Variants in GXYLT2 observed in about 807,000 individuals in gnomAD.
GXYLT2 encodes glucoside xylosyltransferase 2.
In GXYLT2, 53 loss-of-function variants were observed where a neutral mutation model predicts 45.8. The ratio of observed to expected loss-of-function variants is 1.16; its 90% CI spans 0.93 to 1.46. The LOEUF is 1.46. GXYLT2 is among the 40% of genes most tolerant of loss of function. The probability of loss-of-function intolerance (pLI) is 0.00; values close to 1 mark genes in which losing one functional copy is unlikely to be tolerated. For synonymous variants in GXYLT2, 219 were observed against 214.2 expected, an observed-to-expected ratio of 1.02 and a Z score of -0.19; for missense variants, 551 against 544.4, an observed-to-expected ratio of 1.01 and a Z score of -0.12.
chr3:72,907,133 G>C (rs1333264930), intron 1 of GXYLT2, among the ~76,000 whole-genome samples: 1 of 152,148 alleles, frequency 6.6e-6, no homozygotes, highest in African/African-American at 2.4e-5. Flanking sequence ...ACAATTTCCA[G>C]AGATACTTGG....
intron 1 of GXYLT2, among the ~76,000 whole-genome samples, chr3:72,899,459 T>C (rs780995358): frequency 2.0e-5 from 3 of 152,202 alleles, no homozygotes; most frequent in East Asian, 1.9e-4. Flanking sequence ...ATTTATGATA[T>C]TTGATTTAAC....
At chr3:72,955,475 C>A in intron 4 of GXYLT2, 126 bp downstream of exon 4, 1 of 744,298 alleles carries the variant, frequency 1.3e-6, no homozygotes, top group Non-Finnish European at 2.1e-6. Flanking sequence ...ATAAAAGGAA[C>A]CAGAGAAAAG....
Position 72,908,466 on chromosome 3 carries a change from G to C in GXYLT2, c.375G>C (p.Leu125=). Residue 125 remains leucine, a synonymous_variant, in exon 2 of 7, where the codon CTG becomes CTC. Transcript: ENST00000389617. The part of the protein sequence containing the change: ...VACGNRLEET[L]VMLKSAVLFS... ...GTGGCAATCGGCTGGAGGAGACGCT[G>C]GTCATGCTCAAATCAGCTGTGCTTT... The C allele has an allele frequency of 6.2e-7, 1 of 1,613,910 alleles. No homozygotes were observed. Among genetic ancestry groups the C allele is most frequent in the Non-Finnish European group, 8.5e-7 (1 of 1,179,848 alleles).
At chr3:72,908,175 A>G (rs1244782953) in intron 1 of GXYLT2, 192 bp from the exon 2 acceptor site, 2 of 557,380 alleles carry the variant, frequency 3.6e-6, no homozygotes, top group Non-Finnish European at 6.3e-6. Context: ...TGCTATTGCC[A>G]GGATAAATAT....
chr3:72,930,105 G>A (rs779891127), intron 3 of GXYLT2, among the ~76,000 whole-genome samples: 3 of 151,720 alleles, frequency 2.0e-5, no homozygotes, highest in South Asian at 4.2e-4. Context: ...AGCAGAGGGT[G>A]CAGTGAGTTG....
chr3:72,906,368 C>T (rs1176796534), intron 1 of GXYLT2, among the ~76,000 whole-genome samples: 4 of 152,160 alleles, frequency 2.6e-5, no homozygotes, highest in Non-Finnish European at 5.9e-5. Context: ...ATTTGCAGAG[C>T]TCACCTTAGT....
intron 3 of GXYLT2, among the ~76,000 whole-genome samples, chr3:72,944,625 T>C (rs896664750): frequency 6.6e-6 from 1 of 152,102 alleles, no homozygotes; most frequent in African/African-American, 2.4e-5. Flanking sequence ...CTGAAACTGT[T>C]GTTTGCTCTT....
At chr3:72,928,925 G>A in intron 3 of GXYLT2, 1 of 711,594 alleles carries the variant, frequency 1.4e-6, no homozygotes, top group Non-Finnish European at 2.5e-6. Context: ...CCCCCATCCC[G>A]GCCGGCCGCC....
chr3:72,897,490 C>T (rs534687895), intron 1 of GXYLT2, among the ~76,000 whole-genome samples: 3 of 152,296 alleles, frequency 2.0e-5, no homozygotes, highest in East Asian at 1.9e-4. Context: ...TTCCAATCAC[C>T]GATGGCTACA....
At position 72,976,587 on chromosome 3, in the gene GXYLT2, A is replaced by G. The variant is rs1206694890; in HGVS notation, c.*1428A>G. 2.6e-5 allele frequency: 4 copies of G among 152,172 alleles called. No individual in the cohort carries two copies. Among genetic ancestry groups the G allele is most frequent in the African/African-American group, 9.7e-5 (4 of 41,448 alleles). 9.4% of individuals were successfully genotyped at this position (152,172 alleles called of 1,614,324 possible). A position where few individuals can be genotyped will look rare whatever the true frequency, so the allele number is the denominator to read the frequency against. On this transcript the variant is annotated 3_prime_UTR_variant, in exon 7 of 7. Coordinates refer to ENST00000389617, the MANE Select transcript of GXYLT2 (RefSeq NM_001080393.2). ...TGGTCCATACAGGTTTTATCACCTCACTGCAAGGAGGAAGTTGAATATTCT... is the reference window on the plus strand; with the variant it reads ...TGGTCCATACAGGTTTTATCACCTCGCTGCAAGGAGGAAGTTGAATATTCT...
chr3:72,945,460 A>G (rs1344421029), intron 3 of GXYLT2, among the ~76,000 whole-genome samples: 2 of 152,194 alleles, frequency 1.3e-5, no homozygotes, highest in Non-Finnish European at 2.9e-5. Context: ...CCCAGCCCTC[A>G]AGGGGTTTCT....
chr3:72,973,993 A>G (rs1259416874), intron 6 of GXYLT2, among the ~76,000 whole-genome samples: 1 of 152,166 alleles, frequency 6.6e-6, no homozygotes, highest in Non-Finnish European at 1.5e-5. Context: ...TTAAAGGATT[A>G]ACATTTGTTC....
intron 5 of GXYLT2, among the ~76,000 whole-genome samples, chr3:72,964,337 T>C (rs1003407720): frequency 1.6e-4 from 24 of 152,184 alleles, no homozygotes; most frequent in African/African-American, 5.5e-4. Flanking sequence ...CTTTTCTTTT[T>C]TTTGAGACAG....
chr3:72,961,150 A>G (rs1229259150), intron 5 of GXYLT2, among the ~76,000 whole-genome samples: 2 of 152,192 alleles, frequency 1.3e-5, no homozygotes, highest in Admixed American at 1.3e-4. Context: ...TTCACAGGAC[A>G]TTTCCTGGCA....
intron 5 of GXYLT2, among the ~76,000 whole-genome samples, chr3:72,958,212 G>T (rs1710687417): frequency 6.6e-6 from 1 of 151,148 alleles, no homozygotes; most frequent in Admixed American, 6.6e-5. Context: ...AGTGGAGGTT[G>T]CAGTGAGCCA....
At chr3:72,889,840 T>C (rs1369017389) in intron 1 of GXYLT2, among the ~76,000 whole-genome samples, 1 of 151,444 alleles carries the variant, frequency 6.6e-6, no homozygotes, top group Non-Finnish European at 1.5e-5. Context: ...ACACTTAACA[T>C]ATACAACTAC....
At position 72,975,922 on chromosome 3, in the gene GXYLT2, CTTTCTTT is replaced by C. The variant is rs1329744127; in HGVS notation, c.*767_*773del. The C allele has an allele frequency of 1.7e-5, 2 of 120,190 alleles. No individual in the cohort carries two copies. Among genetic ancestry groups the C allele is most frequent in the African/African-American group, 6.8e-5 (2 of 29,406 alleles). The allele number at this position is 120,190 out of a possible 1,614,324, so 7.4% of individuals were successfully genotyped here. A position where few individuals can be genotyped will look rare whatever the true frequency, so the allele number is the denominator to read the frequency against. ...CTGGGGGTATTTCTTCTTTTTCTTTCTTTCTTTTTTTTTTTTTTTTTTTTTTTGAGAC... is the reference window on the plus strand; with the variant it reads ...CTGGGGGTATTTCTTCTTTTTCTTTCTTTTTTTTTTTTTTTTTTTTGAGAC... On this transcript the variant is annotated 3_prime_UTR_variant, in exon 7 of 7. Transcript: ENST00000389617.
intron 6 of GXYLT2, among the ~76,000 whole-genome samples, chr3:72,972,568 G>A (rs909263504): frequency 2.1e-5 from 3 of 144,442 alleles, no homozygotes; most frequent in Non-Finnish European, 4.5e-5. Flanking sequence ...TTGAACCCAG[G>A]AAGTGGAAGT....
chr3:72,893,743 A>G (rs1210417031), intron 1 of GXYLT2, among the ~76,000 whole-genome samples: 3 of 152,224 alleles, frequency 2.0e-5, no homozygotes, highest in African/African-American at 7.2e-5. Flanking sequence ...AAATAGTCCC[A>G]TACCCTTTCG....
Sources: gnomAD v4.1 joint callset for allele counts (sites outside exome capture counted in the v4.1 genomes callset) on GRCh38, gnomAD v4.1.1 for gene constraint, MANE v1.5 for transcripts, NCBI Gene and HGNC (gene_info 2026-07-23, HGNC 2026-07-21) for gene names.